The following DAW1 variants were observed in gnomAD, a reference collection of about 807,000 sequenced individuals.
The protein encoded by DAW1 is dynein assembly factor with WD repeats 1, also known as dynein assembly factor with WD repeat domains 1.
A neutral mutation model predicts 56.5 loss-of-function variants in DAW1; 47 were observed. The ratio of observed to expected loss-of-function variants is 0.83; its 90% CI spans 0.66 to 1.06. DAW1 has a LOEUF of 1.06. DAW1 is among the 50% of genes least tolerant of loss of function. The pLI, the probability that DAW1 is intolerant of heterozygous loss-of-function variation, is 0.00. For missense variants in DAW1, 505 were observed against 499.3 expected, an observed-to-expected ratio of 1.01 and a Z score of -0.11; for synonymous variants, 190 against 179.0, an observed-to-expected ratio of 1.06 and a Z score of -0.49.
chr2:227,897,425 G>T (rs1342788017), intron 5 of DAW1, among the ~76,000 whole-genome samples: 4 of 152,216 alleles, frequency 2.6e-5, no homozygotes, highest in Non-Finnish European at 5.9e-5. Context: ...GTGTTGGGTT[G>T]TGAGATCTCT....
intron 1 of DAW1, 66 bp from the exon 2 acceptor site, chr2:227,885,285 G>A (rs1174962662): frequency 2.7e-6 from 3 of 1,130,766 alleles, no homozygotes; most frequent in East Asian, 2.6e-5. Context: ...CTGTGGCAAG[G>A]TAGGTTAACT....
intron 11 of DAW1, among the ~76,000 whole-genome samples, 192 bp downstream of exon 11, chr2:227,919,048 C>G (rs1325627319): frequency 6.6e-6 from 1 of 151,754 alleles, no homozygotes; most frequent in Non-Finnish European, 1.5e-5. Flanking sequence ...CAAAAAAAGT[C>G]AGCTGTGCAT....
chr2:227,879,045 C>G (rs1396575730), intron 1 of DAW1, among the ~76,000 whole-genome samples: 1 of 152,090 alleles, frequency 6.6e-6, no homozygotes, highest in Non-Finnish European at 1.5e-5. Flanking sequence ...CTCGGCCTCC[C>G]AAAGTACTGG....
chr2:227,895,998 A>G (rs1324464414), intron 5 of DAW1, among the ~76,000 whole-genome samples: 1 of 152,216 alleles, frequency 6.6e-6, no homozygotes, highest in African/African-American at 2.4e-5. Context: ...TAGACATTTT[A>G]TACTACAGTT....
Position 227,889,236 on chromosome 2 carries a change from A to G in DAW1, c.114-620A>G, listed in dbSNP as rs185549557. Among the ~76,000 whole-genome samples the G allele has an allele frequency of 3.2e-3, 492 of 152,324 alleles. 5 individuals are homozygous for G. The highest frequency in any genetic ancestry group is 0.011 in the African/African-American group (459 of 41,572). On this transcript the variant is annotated intron_variant, in intron 2 of 12. Coordinates refer to ENST00000309931, the MANE Select transcript of DAW1 (RefSeq NM_178821.3). ...GTCTTCATTCATTTTGTGCTGCCAT[A>G]AAAAGAAAGACCTGAAACAGGGTTA...
At chr2:227,876,316 G>A (rs1466018851) in intron 1 of DAW1, 14 of 791,584 alleles carry the variant, frequency 1.8e-5, no homozygotes, top group South Asian at 4.0e-5. Flanking sequence ...CACTGTGCCC[G>A]GCCAAGCCTA....
At chr2:227,888,478 G>T (rs1485954692) in intron 2 of DAW1, among the ~76,000 whole-genome samples, 1 of 152,238 alleles carries the variant, frequency 6.6e-6, no homozygotes, top group Admixed American at 6.5e-5. Flanking sequence ...AAGAGCTCAG[G>T]AGCAAAACTT....
intron 7 of DAW1, among the ~76,000 whole-genome samples, chr2:227,903,315 CT>C (rs1254827889): frequency 6.6e-6 from 1 of 152,092 alleles, no homozygotes; most frequent in Non-Finnish European, 1.5e-5. Flanking sequence ...TTTTGACTAA[CT>C]TTAGTCTGCA....
intron 11 of DAW1, among the ~76,000 whole-genome samples, chr2:227,920,468 C>G (rs113388789): frequency 1.8e-4 from 28 of 152,190 alleles, no homozygotes; most frequent in African/African-American, 6.5e-4. Context: ...GGATGCAGGA[C>G]TAACAGGTTC....
intron 11 of DAW1, among the ~76,000 whole-genome samples, chr2:227,920,217 ATATTACT>A (rs1559316063): frequency 6.6e-6 from 1 of 152,252 alleles, no homozygotes; most frequent in Non-Finnish European, 1.5e-5. Context: ...TTAAATGAAC[ATATTACT>A]TATTGAATTG....
chr2:227,899,686 A>G (rs2106201172), intron 6 of DAW1, among the ~76,000 whole-genome samples: 1 of 152,346 alleles, frequency 6.6e-6, no homozygotes, highest in East Asian at 1.9e-4. Flanking sequence ...AGCAAACAAG[A>G]ACATACAGGG....
intron 10 of DAW1, among the ~76,000 whole-genome samples, 174 bp from the exon 11 acceptor site, chr2:227,918,606 T>C (rs1440059869): frequency 1.3e-5 from 2 of 152,182 alleles, no homozygotes; most frequent in African/African-American, 4.8e-5. Flanking sequence ...TCTCCTGCAA[T>C]GGGACCAGCA....
chr2:227,910,334 G>A (rs1715830), intron 10 of DAW1, among the ~76,000 whole-genome samples: 73,124 of 151,508 alleles, frequency 0.48, 18,114 homozygotes, highest in Middle Eastern at 0.63. Flanking sequence ...TTAGTCAGGT[G>A]TGGTGGCATG....
At chr2:227,900,829 G>T (rs1431736551) in intron 6 of DAW1, among the ~76,000 whole-genome samples, 2 of 152,174 alleles carry the variant, frequency 1.3e-5, no homozygotes, top group Non-Finnish European at 2.9e-5. Flanking sequence ...TCCTGCTGCT[G>T]CCCAGCTGCC....
In DAW1 at chr2:227,895,922, A is replaced by G. The variant is rs74451781; in HGVS notation, c.440+2005A>G. Among the ~76,000 whole-genome samples the G allele has an allele frequency of 3.9e-3, 593 of 152,316 alleles. 2 individuals carry two copies. The highest frequency in any genetic ancestry group is 0.014 in the African/African-American group (567 of 41,576). On this transcript the variant is annotated intron_variant, in intron 5 of 12. Coordinates refer to ENST00000309931, the MANE Select transcript of DAW1 (RefSeq NM_178821.3). ...GACAATACACTCATGATACCATAAT[A>G]CACTCATTGCTTGGGAAGGGGCAGG...
intron 1 of DAW1, chr2:227,876,340 C>T (rs902917549): frequency 2.0e-6 from 2 of 984,856 alleles, no homozygotes; most frequent in South Asian, 3.3e-5. Flanking sequence ...TTCTTAGGCT[C>T]ACGTAATTCT....
chr2:227,909,336 T>C (rs1210893726), intron 10 of DAW1, among the ~76,000 whole-genome samples: 1 of 148,184 alleles, frequency 6.7e-6, no homozygotes, highest in Non-Finnish European at 1.5e-5. Context: ...GTATTTTTTA[T>C]ATTATATATT....
In DAW1 at chr2:227,891,165, A is replaced by T. The variant is rs908720140; in HGVS notation, c.259-90A>T. On this transcript the variant is annotated intron_variant, in intron 3 of 12. Transcript: ENST00000309931. Reference sequence around the variant, plus strand: ...TGCCTGTTTCTGATGTATAATTAAGAAAAAATTGAATGTCTTCATTGGTTT... The same window carrying T: ...TGCCTGTTTCTGATGTATAATTAAGTAAAAATTGAATGTCTTCATTGGTTT... 2.5e-6 allele frequency: 3 copies of T among 1,208,532 alleles called. No homozygotes were observed. In the African/African-American group the frequency reaches 4.6e-5, roughly 18 times the overall value. 74.9% of individuals were successfully genotyped at this position (1,208,532 alleles called of 1,614,324 possible). A position where few individuals can be genotyped will look rare whatever the true frequency, so the allele number is the denominator to read the frequency against.
intron 4 of DAW1, 116 bp downstream of exon 4, chr2:227,891,429 C>T: frequency 3.7e-6 from 3 of 817,554 alleles, no homozygotes; most frequent in Non-Finnish European, 6.0e-6. Flanking sequence ...TTTCAGTACT[C>T]CCTTGGATAC....
Sources: allele counts gnomAD v4.1 joint callset (sites outside exome capture counted in the v4.1 genomes callset), GRCh38; gene constraint gnomAD v4.1.1; transcripts MANE v1.5; gene names NCBI Gene and HGNC (gene_info 2026-07-23, HGNC 2026-07-21).